Variants in KIAA1549 observed in about 807,000 individuals in gnomAD.
KIAA1549 encodes the protein UPF0606 protein KIAA1549.
In KIAA1549, 70 loss-of-function variants were observed where a neutral mutation model predicts 156.4. That is an observed-to-expected ratio of 0.45 (90% CI 0.37 to 0.55). The LOEUF (loss-of-function observed/expected upper bound fraction) is 0.55, where lower values mean the gene tolerates loss of function less well. Ranked by LOEUF, KIAA1549 falls within the 20% of genes least tolerant of loss-of-function variation. The pLI, the probability that KIAA1549 is intolerant of heterozygous loss-of-function variation, is 0.00. For synonymous variants in KIAA1549, 1,103 were observed against 1,066.4 expected (o/e 1.03, Z -0.67); for missense variants, 2,428 against 2,540.9 (o/e 0.96, Z 0.96).
At chr7:138,952,558 C>A (rs1813532509) in intron 1 of KIAA1549, among the ~76,000 whole-genome samples, 1 of 152,204 alleles carries the variant, frequency 6.6e-6, no homozygotes, top group African/African-American at 2.4e-5. Flanking sequence ...CATCTCTACA[C>A]AGTAGGAGCT....
chr7:138,866,994 G>A (rs1021436453), intron 15 of KIAA1549, among the ~76,000 whole-genome samples: 1 of 151,866 alleles, frequency 6.6e-6, no homozygotes, highest in African/African-American at 2.4e-5. Flanking sequence ...GGAGAGACGG[G>A]GTTTCGCTAT....
At chr7:138,897,930 T>C (rs1215490895) in intron 9 of KIAA1549, among the ~76,000 whole-genome samples, 3 of 126,226 alleles carry the variant, frequency 2.4e-5, no homozygotes, top group Non-Finnish European at 5.0e-5. Flanking sequence ...AAAAGAGGAA[T>C]CTGATTCACA....
chr7:138,868,272 GTC>G (rs144720928), intron 14 of KIAA1549, 144 bp from the exon 15 acceptor site: 18,150 of 763,636 alleles, frequency 0.024, 282 homozygotes, highest in South Asian at 0.032. Flanking sequence ...GTACGAGACA[GTC>G]TCTGCTCTAA....
rs1339066293 is a variant in KIAA1549, at chr7:138,971,358, G to A, written c.187+9725C>T. On this transcript the variant is annotated intron_variant, in intron 1 of 19. Coordinates refer to ENST00000422774, the MANE Select transcript of KIAA1549 (RefSeq NM_001164665.2). ...CCCATACATCTCTGTCCCCAGACAAGCCACCTGTTTCTCCTTCTGTTTTCC... is the reference window on the plus strand; with the variant it reads ...CCCATACATCTCTGTCCCCAGACAAACCACCTGTTTCTCCTTCTGTTTTCC... Among the ~76,000 whole-genome samples, 5 of 152,036 alleles carry A rather than the reference G, an allele frequency of 3.3e-5. No homozygotes were observed. The East Asian group carries it at 7.7e-4, about 23-fold the overall frequency.
intron 18 of KIAA1549, among the ~76,000 whole-genome samples, chr7:138,844,008 T>C (rs1036344770): frequency 3.9e-5 from 6 of 152,248 alleles, no homozygotes; most frequent in African/African-American, 7.2e-5. Context: ...ACTCTTGTTT[T>C]CATGCCATCC....
chr7:138,875,508 C>T (rs988633648), intron 12 of KIAA1549, among the ~76,000 whole-genome samples: 13 of 151,586 alleles, frequency 8.6e-5, no homozygotes, highest in African/African-American at 2.4e-4. Flanking sequence ...GTTAGCTGGG[C>T]GTGGTATGCT....
At position 138,918,715 on chromosome 7, in the gene KIAA1549, A is replaced by C; in HGVS notation, c.911T>G (p.Leu304Trp). The change falls in exon 2 of 20, where the codon TTG becomes TGG. Residue 304 changes from leucine (L) to tryptophan (W), a missense_variant. Leu to Trp is a moderately conservative substitution (Grantham distance 61, BLOSUM62 -2). This residue lies in a region of KIAA1549 where 893 missense variants were observed against 847.9 expected (regional missense o/e 1.05). Coordinates refer to ENST00000422774, the MANE Select transcript of KIAA1549 (RefSeq NM_001164665.2). This position sits in a 1 kb window ranked among gnomAD's most constrained non-coding sequence, Gnocchi z 4.2. ...GDGITIPLPS[L>W]GEVSQPPEEV... Reference sequence around the variant, plus strand: ...CTCTGGAGGCTGTGAGACCTCCCCCAAGGAGGGCAACGGTATAGTAATGCC... The same window carrying C: ...CTCTGGAGGCTGTGAGACCTCCCCCCAGGAGGGCAACGGTATAGTAATGCC... 6.2e-7 allele frequency: 1 copy of C among 1,613,822 alleles called. No homozygotes were observed. The highest frequency in any genetic ancestry group is 1.3e-5 in the African/African-American group (1 of 75,046).
intron 7 of KIAA1549, 104 bp from the exon 8 acceptor site, chr7:138,903,840 TGTGTGTGTGTGTGCGCGCGCGC>T (rs1811923094): frequency 1.2e-5 from 6 of 506,026 alleles, no homozygotes; most frequent in East Asian, 6.1e-5. Flanking sequence ...TGTGTGTGTG[TGTGTGTGTGTGTGCGCGCGCGC>T]GCGCGCGCAC....
chr7:138,952,153 G>C (rs1481114398), intron 1 of KIAA1549, among the ~76,000 whole-genome samples: 1 of 152,190 alleles, frequency 6.6e-6, no homozygotes, highest in Non-Finnish European at 1.5e-5. Context: ...CACCCACAGA[G>C]GTTCTGACTC....
At chr7:138,901,955 T>C (rs1811855432) in intron 8 of KIAA1549, among the ~76,000 whole-genome samples, 1 of 85,842 alleles carries the variant, frequency 1.2e-5, no homozygotes, top group African/African-American at 4.6e-5. Context: ...ATGTCAAATT[T>C]AGCACTGTAT....
At chr7:138,871,453 T>C (rs777550545) in intron 12 of KIAA1549, 91 bp from the exon 13 acceptor site, 10 of 1,193,850 alleles carry the variant, frequency 8.4e-6, no homozygotes, top group Non-Finnish European at 1.1e-5. Flanking sequence ...TAAAGAATCT[T>C]TGGATGGGCC....
Position 138,855,284 on chromosome 7 carries a change from C to T in KIAA1549, c.5248-3015G>A, listed in dbSNP as rs576962020. Among the ~76,000 whole-genome samples, 54 of 152,300 alleles carry T rather than the reference C, an allele frequency of 3.5e-4. 1 individual carries two copies. The South Asian group carries it at 0.011, about 32-fold the overall frequency. On this transcript the variant is annotated intron_variant, in intron 16 of 19. Coordinates refer to ENST00000422774, the MANE Select transcript of KIAA1549 (RefSeq NM_001164665.2). ...TCCTCTTTTCCAGTCCTCCTGTCAC[C>T]CTGAGATGCATCCAAGGCGTTGGAC...
chr7:138,845,051 C>G (rs570589132), intron 17 of KIAA1549, among the ~76,000 whole-genome samples: 1 of 152,000 alleles, frequency 6.6e-6, no homozygotes, highest in South Asian at 2.1e-4. Context: ...TTTTTTATCT[C>G]CAGACCTCTT....
intron 2 of KIAA1549, among the ~76,000 whole-genome samples, chr7:138,913,275 G>A (rs1037440509): frequency 1.3e-5 from 2 of 152,176 alleles, no homozygotes; most frequent in African/African-American, 2.4e-5. Flanking sequence ...CAAGGCAAAG[G>A]TGAAGAGTTT....
intron 1 of KIAA1549, among the ~76,000 whole-genome samples, chr7:138,970,793 T>A (rs1037482389): frequency 6.6e-6 from 1 of 152,182 alleles, no homozygotes; most frequent in Non-Finnish European, 1.5e-5. Context: ...CATAAGATCA[T>A]CTGTTTTGTA....
intron 9 of KIAA1549, among the ~76,000 whole-genome samples, chr7:138,894,883 T>TAAAGGCA (rs1811641161): frequency 6.6e-6 from 1 of 152,164 alleles, no homozygotes; most frequent in Admixed American, 6.5e-5. Flanking sequence ...TGCACAACTT[T>TAAAGGCA]GTACAAAGGC....
chr7:138,960,287 T>TTTTATTAATTTA (rs1356727367), intron 1 of KIAA1549, among the ~76,000 whole-genome samples: 1 of 90,168 alleles, frequency 1.1e-5, no homozygotes, highest in African/African-American at 4.9e-5. Context: ...ATAAATTTTA[T>TTTTATTAATTTA]TTTATTGATT....
At chr7:138,969,561 T>C (rs1814153185) in intron 1 of KIAA1549, among the ~76,000 whole-genome samples, 1 of 152,190 alleles carries the variant, frequency 6.6e-6, no homozygotes. Context: ...AGTTGGTACG[T>C]ATATTTATGG....
At chr7:138,944,540 C>A (rs1037224048) in intron 1 of KIAA1549, among the ~76,000 whole-genome samples, 2 of 152,126 alleles carry the variant, frequency 1.3e-5, no homozygotes, top group Non-Finnish European at 2.9e-5. Context: ...TAATTCCACT[C>A]CTAGCTATGT....
Sources: allele counts gnomAD v4.1 joint callset (sites outside exome capture counted in the v4.1 genomes callset), GRCh38; gene constraint gnomAD v4.1.1; regional missense constraint gnomAD v4.1.1; non-coding constraint Gnocchi (gnomAD v3.1); transcripts MANE v1.5; gene names NCBI Gene and HGNC (gene_info 2026-07-23, HGNC 2026-07-21).